Variants in SEMA3A observed in about 807,000 individuals in gnomAD.
SEMA3A encodes the protein semaphorin-3A.
In SEMA3A, 29 loss-of-function variants were observed where a neutral mutation model predicts 97.9. That is an observed-to-expected ratio of 0.30 (90% confidence interval 0.22 to 0.40). SEMA3A has a LOEUF of 0.40. Ranked by LOEUF, SEMA3A falls within the 10% of genes least tolerant of loss-of-function variation. The pLI is 1.00. For missense variants in SEMA3A, 763 were observed against 951.3 expected (o/e 0.80, Z 2.60); for synonymous variants, 321 against 323.7 (o/e 0.99, Z 0.09).
At chr7:84,015,323 G>A (rs962213559) in intron 6 of SEMA3A, among the ~76,000 whole-genome samples, 1 of 152,062 alleles carries the variant, frequency 6.6e-6, no homozygotes, top group South Asian at 2.1e-4. Flanking sequence ...ATGAATATCT[G>A]TGCAATGAGA....
intron 1 of SEMA3A, among the ~76,000 whole-genome samples, chr7:84,461,459 G>A (rs1439213168): frequency 8.1e-6 from 1 of 122,818 alleles, no homozygotes; most frequent in African/African-American, 3.3e-5. Flanking sequence ...TAAATACTTG[G>A]AAAGCTTTTT....
chr7:83,994,465 T>C (rs1164097208), intron 12 of SEMA3A, among the ~76,000 whole-genome samples: 2 of 122,658 alleles, frequency 1.6e-5, no homozygotes, highest in African/African-American at 3.0e-5. Context: ...TTTTGGTCTT[T>C]GATGATGGTG....
intron 1 of SEMA3A, among the ~76,000 whole-genome samples, chr7:84,455,746 T>C (rs1468044395): frequency 2.0e-5 from 3 of 152,014 alleles, no homozygotes; most frequent in African/African-American, 7.2e-5. Flanking sequence ...AATTCATAAC[T>C]GTAAACCACT....
chr7:84,175,355 C>T (rs937512912), intron 1 of SEMA3A, among the ~76,000 whole-genome samples: 8 of 152,116 alleles, frequency 5.3e-5, no homozygotes, highest in Non-Finnish European at 1.2e-4. Flanking sequence ...CACAAACATA[C>T]GAATTATATT....
chr7:84,303,871 C>T (rs899474718), intron 3 of SEMA3A, among the ~76,000 whole-genome samples: 9 of 152,106 alleles, frequency 5.9e-5, no homozygotes, highest in African/African-American at 2.4e-5. Context: ...GTATTAAATG[C>T]GTTTTCGACT....
chr7:84,059,463 T>A (rs1562742020), intron 5 of SEMA3A, among the ~76,000 whole-genome samples: 1 of 152,124 alleles, frequency 6.6e-6, no homozygotes, highest in Non-Finnish European at 1.5e-5. Flanking sequence ...TAGAGTTTAT[T>A]TTTCTGAGTA....
intron 1 of SEMA3A, among the ~76,000 whole-genome samples, chr7:84,481,637 A>G (rs1806448183): frequency 6.6e-6 from 1 of 152,156 alleles, no homozygotes; most frequent in South Asian, 2.1e-4. Flanking sequence ...TTTTCTTATT[A>G]CACATAATTC....
intron 1 of SEMA3A, among the ~76,000 whole-genome samples, chr7:84,385,913 C>T (rs2116157063): frequency 6.6e-6 from 1 of 152,186 alleles, no homozygotes; most frequent in East Asian, 1.9e-4. Context: ...TATTCTGAGC[C>T]CATTTCTTTC....
Position 84,042,656 on chromosome 7 carries a change from T to C in SEMA3A, c.667+3668A>G, listed in dbSNP as rs571462250. On this transcript the variant is annotated intron_variant, in intron 6 of 16. Transcript: ENST00000265362. ...GTTTTTCCACAACAACTATAGGAGA[T>C]AGGTAGTACCTCTGTTCATTTTATT... Among the ~76,000 whole-genome samples the C allele has an allele frequency of 6.0e-4, 91 of 152,200 alleles. 2 individuals are homozygous for C. The highest frequency in any genetic ancestry group is 9.1e-4 in the Non-Finnish European group (62 of 67,990).
intron 6 of SEMA3A, among the ~76,000 whole-genome samples, chr7:84,031,610 G>A (rs1791758325): frequency 6.6e-6 from 1 of 152,018 alleles, no homozygotes; most frequent in African/African-American, 2.4e-5. Flanking sequence ...GAGGTGGGTG[G>A]ATCACCTGAG....
intron 3 of SEMA3A, among the ~76,000 whole-genome samples, chr7:84,215,150 T>A (rs1158504611): frequency 6.6e-6 from 1 of 151,594 alleles, no homozygotes; most frequent in African/African-American, 2.4e-5. Flanking sequence ...GGATTACAGG[T>A]GTGAGCCACC....
intron 2 of SEMA3A, among the ~76,000 whole-genome samples, chr7:84,364,419 C>T (rs1441649427): frequency 6.6e-6 from 1 of 151,688 alleles, no homozygotes; most frequent in African/African-American, 2.4e-5. Flanking sequence ...AATTCAATTT[C>T]ATCATTCAAG....
At chr7:83,969,091 A>G (rs1788825450) in intron 15 of SEMA3A, among the ~76,000 whole-genome samples, 1 of 152,072 alleles carries the variant, frequency 6.6e-6, no homozygotes, top group African/African-American at 2.4e-5. Flanking sequence ...GATTACAGGC[A>G]TGAGCCACTG....
chr7:83,959,427 A>G lies in SEMA3A; in HGVS notation c.*1944T>C, dbSNP rs1788383929. 1 of 152,114 alleles carries G rather than the reference A, an allele frequency of 6.6e-6. No individual in the cohort carries two copies. Among genetic ancestry groups the G allele is most frequent in the African/African-American group, 2.4e-5 (1 of 41,476 alleles). 9.4% of individuals were successfully genotyped at this position (152,114 alleles called of 1,614,324 possible). ...TTCTGTACAGTGGTGTGTCCTTCAAATAATTTAACAATTTGGCTTCCATGT... is the reference window on the plus strand; with the variant it reads ...TTCTGTACAGTGGTGTGTCCTTCAAGTAATTTAACAATTTGGCTTCCATGT... On this transcript the variant is annotated 3_prime_UTR_variant, in exon 17 of 17. Transcript: ENST00000265362.
At chr7:84,141,323 A>G (rs1796284940) in intron 1 of SEMA3A, among the ~76,000 whole-genome samples, 1 of 152,176 alleles carries the variant, frequency 6.6e-6, no homozygotes, top group Non-Finnish European at 1.5e-5. Flanking sequence ...ACAGCAGTCT[A>G]TGAAACACAG....
chr7:84,176,572 G>C (rs182965107), intron 1 of SEMA3A, among the ~76,000 whole-genome samples: 1 of 152,214 alleles, frequency 6.6e-6, no homozygotes, highest in Admixed American at 6.5e-5. Flanking sequence ...AAGGATAATA[G>C]TTTAAAGGAT....
At chr7:84,119,551 T>A (rs1384148041) in intron 3 of SEMA3A, among the ~76,000 whole-genome samples, 1 of 152,182 alleles carries the variant, frequency 6.6e-6, no homozygotes, top group Non-Finnish European at 1.5e-5. Flanking sequence ...GATTTTTATG[T>A]TTCTAAGTCA....
chr7:84,391,600 T>G (rs868477717), intron 1 of SEMA3A, among the ~76,000 whole-genome samples: 1 of 152,168 alleles, frequency 6.6e-6, no homozygotes, highest in Admixed American at 6.6e-5. Context: ...TGTTATTATC[T>G]AGCAGGGTAA....
chr7:83,964,216 A>G (rs906011239), intron 15 of SEMA3A, among the ~76,000 whole-genome samples: 1 of 152,198 alleles, frequency 6.6e-6, no homozygotes, highest in Non-Finnish European at 1.5e-5. Flanking sequence ...ACTCATTTAG[A>G]GAACAAAACT....
Sources: gnomAD v4.1 joint callset for allele counts (sites outside exome capture counted in the v4.1 genomes callset) on GRCh38, gnomAD v4.1.1 for gene constraint, MANE v1.5 for transcripts, NCBI Gene and HGNC (gene_info 2026-07-23, HGNC 2026-07-21) for gene names.